Variants in FDX1 observed in about 807,000 individuals in gnomAD.
FDX1 encodes the protein ferredoxin 1.
Under a neutral mutation model 14.9 loss-of-function variants are expected in FDX1, and 9 were observed. The ratio of observed to expected loss-of-function variants is 0.60; its 90% confidence interval spans 0.36 to 1.05. The LOEUF is 1.05. Ranked by LOEUF, FDX1 falls within the 50% of genes least tolerant of loss-of-function variation. FDX1 has a pLI of 0.01. For synonymous variants in FDX1, 92 were observed against 99.4 expected (o/e 0.93, Z 0.44); for missense variants, 204 against 237.2 (o/e 0.86, Z 0.92).
chr11:110,448,047 A>G (rs1309062043), intron 2 of FDX1, among the ~76,000 whole-genome samples: 4 of 152,216 alleles, frequency 2.6e-5, no homozygotes. Context: ...GCCAACTTTT[A>G]TATTAATATA....
At chr11:110,461,510 A>C (rs1946556084) in intron 3 of FDX1, among the ~76,000 whole-genome samples, 1 of 151,406 alleles carries the variant, frequency 6.6e-6, no homozygotes, top group Non-Finnish European at 1.5e-5. Flanking sequence ...AAAAAAAAAA[A>C]AAAAAAGAAG....
intron 3 of FDX1, among the ~76,000 whole-genome samples, chr11:110,457,523 TAATA>T (rs1946529965): frequency 6.6e-6 from 1 of 152,150 alleles, no homozygotes; most frequent in Admixed American, 6.5e-5. Context: ...TGTTATTAAT[TAATA>T]GTTACTCTTA....
At chr11:110,458,696 C>T (rs376002177) in intron 3 of FDX1, among the ~76,000 whole-genome samples, 8 of 151,972 alleles carry the variant, frequency 5.3e-5, no homozygotes, top group African/African-American at 1.9e-4. Context: ...CAACCTCTGC[C>T]TCCCGGGTTC....
At chr11:110,447,273 CAAA>C (rs541827807) in intron 2 of FDX1, among the ~76,000 whole-genome samples, 71 of 75,736 alleles carry the variant, frequency 9.4e-4, no homozygotes, top group African/African-American at 2.4e-3. Flanking sequence ...ACTAAAAATA[CAAA>C]AAAAAAAAAA....
chr11:110,458,610 G>A (rs1395097856), intron 3 of FDX1, among the ~76,000 whole-genome samples: 1 of 151,172 alleles, frequency 6.6e-6, no homozygotes, highest in African/African-American at 2.4e-5. Context: ...AAACACCATC[G>A]TTTCTTTTTT....
rs374629802 is a variant in FDX1, at chr11:110,456,073, A to G, written c.311-845A>G. 1.5e-4 allele frequency among the ~76,000 whole-genome samples: 23 copies of G among 152,312 alleles called. No individual in the cohort carries two copies. In the East Asian group the frequency reaches 2.3e-3, roughly 15 times the overall value. On this transcript the variant is annotated intron_variant, in intron 2 of 3. Coordinates refer to ENST00000260270, the MANE Select transcript of FDX1 (RefSeq NM_004109.5). Reference sequence around the variant, plus strand: ...TAAACCACTGTTAAATTAATGACTTAAAAAATGGAACAGGATAAATATTCT... The same window carrying G: ...TAAACCACTGTTAAATTAATGACTTGAAAAATGGAACAGGATAAATATTCT...
intron 3 of FDX1, 41 bp downstream of exon 3, chr11:110,457,088 G>A (rs1284534699): frequency 6.4e-7 from 1 of 1,572,356 alleles, no homozygotes; most frequent in Admixed American, 1.7e-5. Flanking sequence ...AATAATCTGG[G>A]AACATAGATG....
chr11:110,431,511 T>C (rs1323003048), intron 1 of FDX1, among the ~76,000 whole-genome samples: 6 of 152,232 alleles, frequency 3.9e-5, no homozygotes, highest in Non-Finnish European at 7.3e-5. Context: ...TACATTTTTG[T>C]TGTGTGAACT....
intron 3 of FDX1, among the ~76,000 whole-genome samples, chr11:110,459,664 C>A (rs1591255494): frequency 6.6e-6 from 1 of 152,190 alleles, no homozygotes; most frequent in East Asian, 1.9e-4. Flanking sequence ...GCAAGAGTAA[C>A]TGGAGAAAAT....
At chr11:110,438,222 G>C (rs1946383233) in intron 2 of FDX1, among the ~76,000 whole-genome samples, 1 of 152,182 alleles carries the variant, frequency 6.6e-6, no homozygotes, top group South Asian at 2.1e-4. Flanking sequence ...TTCCACAGCA[G>C]CTTAACTAAT....
At chr11:110,454,639 G>T (rs1201191302) in intron 2 of FDX1, among the ~76,000 whole-genome samples, 3 of 152,060 alleles carry the variant, frequency 2.0e-5, no homozygotes, top group Non-Finnish European at 4.4e-5. Flanking sequence ...AAGAGTTTCT[G>T]TAACTTTGGA....
rs200915399 is a variant in FDX1, at chr11:110,444,703, TAC to T, written c.310+8746_310+8747del. On this transcript the variant is annotated intron_variant, in intron 2 of 3. Transcript: ENST00000260270. Reference sequence around the variant, plus strand: ...ATATATACACGTATATATATATATATACGTATATATATATATATACGTATATA... The same window carrying T: ...ATATATACACGTATATATATATATATGTATATATATATATATACGTATATA... Among the ~76,000 whole-genome samples the T allele has an allele frequency of 7.3e-4, 41 of 56,078 alleles. 1 individual carries two copies. The highest frequency in any genetic ancestry group is 5.4e-3 in the Admixed American group (29 of 5,346). The allele number at this position is 56,078 out of a possible 152,430, so 36.8% of individuals were successfully genotyped here.
intron 2 of FDX1, among the ~76,000 whole-genome samples, chr11:110,445,488 A>G (rs374708796): frequency 6.6e-5 from 10 of 152,266 alleles, no homozygotes; most frequent in African/African-American, 2.4e-4. Flanking sequence ...AAAGAAATCA[A>G]AAAGAACATA....
At chr11:110,460,734 T>G (rs1381480568) in intron 3 of FDX1, among the ~76,000 whole-genome samples, 1 of 152,198 alleles carries the variant, frequency 6.6e-6, no homozygotes, top group Non-Finnish European at 1.5e-5. Context: ...TGTGAGGAAT[T>G]CTCCTGCTCA....
chr11:110,445,281 T>A (rs1222175921), intron 2 of FDX1, among the ~76,000 whole-genome samples: 1 of 152,214 alleles, frequency 6.6e-6, no homozygotes. Flanking sequence ...TTTGTGTGGA[T>A]TGCTTTATAT....
intron 3 of FDX1, among the ~76,000 whole-genome samples, chr11:110,458,137 A>G (rs1171890868): frequency 6.6e-6 from 1 of 152,210 alleles, no homozygotes; most frequent in African/African-American, 2.4e-5. Flanking sequence ...GAGTTAAATC[A>G]TAGCTAACTG....
chr11:110,432,433 A>G (rs573158407), intron 1 of FDX1, among the ~76,000 whole-genome samples: 2 of 152,240 alleles, frequency 1.3e-5, no homozygotes, highest in African/African-American at 4.8e-5. Context: ...TTAAAATTTC[A>G]GTAGTTTTGG....
intron 2 of FDX1, among the ~76,000 whole-genome samples, chr11:110,437,668 A>G (rs1357595993): frequency 6.6e-6 from 1 of 152,200 alleles, no homozygotes; most frequent in Non-Finnish European, 1.5e-5. Context: ...ATTTAGATTC[A>G]GGGAGTACAT....
chr11:110,449,830 G>A lies in FDX1; in HGVS notation c.311-7088G>A, dbSNP rs1946474842. ...TTTAGTAAAGATGGGGTTTCACCAT[G>A]TTGGCCAGGCTGGTCTCGAATACCT... On this transcript the variant is annotated intron_variant, in intron 2 of 3. Coordinates refer to ENST00000260270, the MANE Select transcript of FDX1 (RefSeq NM_004109.5). 2.0e-5 allele frequency among the ~76,000 whole-genome samples: 3 copies of A among 152,248 alleles called. No individual in the cohort carries two copies. The South Asian group carries it at 6.2e-4, about 32-fold the overall frequency.
Sources: gnomAD v4.1 joint callset for allele counts (sites outside exome capture counted in the v4.1 genomes callset) on GRCh38, gnomAD v4.1.1 for gene constraint, MANE v1.5 for transcripts, NCBI Gene and HGNC (gene_info 2026-07-23, HGNC 2026-07-21) for gene names.